SOX5: variants seen among roughly 807,000 people sequenced by gnomAD.
SOX5 encodes the protein transcription factor SOX-5.
In SOX5, 9 loss-of-function variants were observed where a neutral mutation model predicts 92.0. That is an observed-to-expected ratio of 0.10 (90% CI 0.06 to 0.17). SOX5 has a LOEUF of 0.17. SOX5 is among the 10% of genes least tolerant of loss of function. The pLI is 1.00. For missense variants in SOX5, 642 were observed against 944.5 expected (o/e 0.68, Z 4.20); for synonymous variants, 344 against 336.3 (o/e 1.02, Z -0.25).
chr12:23,604,513 T>G lies in SOX5; in HGVS notation c.1038A>C (p.Leu346=). Residue 346 remains leucine (L), a synonymous_variant, in exon 9 of 15, where the codon CTA becomes CTC. Transcript: ENST00000451604. ...LQLQQLYAAQ[L]AAMQVSPGGK... ...CTCCTGGAGATACCTGCATTGCAGCTAGCTGGGCAGCATATAACTGCTACA... is the reference window on the plus strand; with the variant it reads ...CTCCTGGAGATACCTGCATTGCAGCGAGCTGGGCAGCATATAACTGCTACA... The G allele has an allele frequency of 6.2e-7, 1 of 1,613,688 alleles. No individual in the cohort carries two copies. Among genetic ancestry groups the G allele is most frequent in the Admixed American group, 1.7e-5 (1 of 59,960 alleles).
chr12:24,279,474 T>C (rs1944906227), intron 2 of SOX5, among the ~76,000 whole-genome samples: 1 of 152,142 alleles, frequency 6.6e-6, no homozygotes, highest in Admixed American at 6.5e-5. Flanking sequence ...TATGTATTTA[T>C]AGAACAGGAA....
At chr12:23,807,641 C>A (rs1220406278) in intron 3 of SOX5, among the ~76,000 whole-genome samples, 1 of 102,656 alleles carries the variant, frequency 9.7e-6, no homozygotes, top group African/African-American at 3.0e-5. Context: ...ACAGAAATTC[C>A]ATTTTTTTTT....
intron 2 of SOX5, among the ~76,000 whole-genome samples, chr12:24,314,562 T>C (rs1949525137): frequency 6.6e-6 from 1 of 151,298 alleles, no homozygotes; most frequent in Non-Finnish European, 1.5e-5. Flanking sequence ...TGCTTATACA[T>C]AAAAAAAAAT....
intron 4 of SOX5, among the ~76,000 whole-genome samples, chr12:23,981,993 A>G (rs1174798305): frequency 6.6e-6 from 1 of 152,156 alleles, no homozygotes; most frequent in Non-Finnish European, 1.5e-5. Context: ...TGGGTAACCT[A>G]GAAGACAAAG....
At position 23,904,903 on chromosome 12, in the gene SOX5, T is replaced by C. The variant is rs368383591; in HGVS notation, c.39-8879A>G. On this transcript the variant is annotated intron_variant, in intron 1 of 14. Transcript: ENST00000451604. ...TTTTACCAAATAGCTTTTCCCAGCC[T>C]CTTCCGTGCCACCAAAGTCAGAGAT... 3.9e-5 allele frequency among the ~76,000 whole-genome samples: 6 copies of C among 152,288 alleles called. No individual in the cohort carries two copies. The East Asian group carries it at 1.2e-3, about 29-fold the overall frequency.
chr12:23,781,885 A>AC (rs2095287594), intron 3 of SOX5, among the ~76,000 whole-genome samples: 1 of 152,172 alleles, frequency 6.6e-6, no homozygotes, highest in African/African-American at 2.4e-5. Flanking sequence ...GAAGTTATAT[A>AC]GAAACAATGA....
At position 24,524,973 on chromosome 12, in the gene SOX5, CA is replaced by C. The variant is rs1222859875; in HGVS notation, c.-251+37355del. 3.9e-5 allele frequency among the ~76,000 whole-genome samples: 6 copies of C among 151,992 alleles called. 1 individual carries two copies. Among genetic ancestry groups the C allele is most frequent in the Admixed American group, 3.9e-4 (6 of 15,264 alleles). ...AACAGGACCCTGTCTCAAACAAACA[CA>C]AAAAAAGTACAGAGGCTCCTCAAAA... On this transcript the variant is annotated intron_variant, in intron 1 of 4. Coordinates refer to the SOX5 transcript ENST00000446891.
At chr12:24,096,919 AT>A (rs998878249) in intron 4 of SOX5, among the ~76,000 whole-genome samples, 47 of 152,020 alleles carry the variant, frequency 3.1e-4, no homozygotes, top group African/African-American at 1.1e-3. Flanking sequence ...CCATATGGTA[AT>A]TTTTGTGTTT....
intron 6 of SOX5, among the ~76,000 whole-genome samples, chr12:23,678,098 A>G (rs1178224226): frequency 1.3e-5 from 2 of 152,176 alleles, no homozygotes; most frequent in Admixed American, 1.3e-4. Flanking sequence ...GTGTGAAATT[A>G]CCAAAAAGGC....
At chr12:24,558,662 A>G (rs1482679622) in intron 1 of SOX5, among the ~76,000 whole-genome samples, 1 of 152,192 alleles carries the variant, frequency 6.6e-6, no homozygotes, top group African/African-American at 2.4e-5. Flanking sequence ...TTTTCATGCA[A>G]ACGAACTCTT....
At chr12:24,486,112 T>A (rs1342410770) in intron 1 of SOX5, among the ~76,000 whole-genome samples, 1 of 152,040 alleles carries the variant, frequency 6.6e-6, no homozygotes, top group East Asian at 1.9e-4. Context: ...ATTTTTAATT[T>A]TTTTTGTAGA....
At chr12:23,994,619 G>T (rs1233074732) in intron 4 of SOX5, among the ~76,000 whole-genome samples, 1 of 152,074 alleles carries the variant, frequency 6.6e-6, no homozygotes, top group African/African-American at 2.4e-5. Context: ...CATTTTTCCA[G>T]GAGAGAAAAC....
rs1290273524 is a variant in SOX5 at position 23,866,317 on chromosome 12, A to ATGGAATAG, written c.271-20132_271-20125dup. 3.9e-5 allele frequency among the ~76,000 whole-genome samples: 6 copies of ATGGAATAG among 152,192 alleles called. No homozygotes were observed. The East Asian group carries it at 1.2e-3, about 29-fold the overall frequency. ...TTCTAATATATGGATTTTTAAATAT[A>ATGGAATAG]TGGAATAGTCTAGATTGTAACTAAA... is the stretch of plus-strand genomic sequence containing the variant. On this transcript the variant is annotated intron_variant, in intron 2 of 14. Transcript: ENST00000451604.
intron 1 of SOX5, among the ~76,000 whole-genome samples, chr12:24,495,813 G>C (rs968525112): frequency 6.6e-6 from 1 of 152,212 alleles, no homozygotes; most frequent in Admixed American, 6.5e-5. Flanking sequence ...GGATGGGGGA[G>C]GGTGTGGTAC....
intron 9 of SOX5, among the ~76,000 whole-genome samples, chr12:23,583,369 A>C (rs139925573): frequency 6.6e-6 from 1 of 152,246 alleles, no homozygotes; most frequent in African/African-American, 2.4e-5. Context: ...TCACATGAAA[A>C]CCCACTCATA....
At chr12:24,296,394 G>A (rs773397268) in intron 2 of SOX5, among the ~76,000 whole-genome samples, 6 of 152,132 alleles carry the variant, frequency 3.9e-5, no homozygotes, top group Non-Finnish European at 7.4e-5. Flanking sequence ...AAGCCACAGC[G>A]CTCCTTCTGC....
At chr12:24,272,919 GAAA>G (rs71059999) in intron 3 of SOX5, among the ~76,000 whole-genome samples, 5 of 147,328 alleles carry the variant, frequency 3.4e-5, no homozygotes, top group South Asian at 2.2e-4. Flanking sequence ...TCTATCTTTT[GAAA>G]AAAAAAAAAT....
intron 3 of SOX5, among the ~76,000 whole-genome samples, chr12:23,810,895 C>T (rs1328281749): frequency 1.3e-5 from 2 of 152,138 alleles, no homozygotes; most frequent in Non-Finnish European, 2.9e-5. Context: ...TTCACAGCCA[C>T]AGAAGAGCTG....
At position 24,325,364 on chromosome 12, in the gene SOX5, T is replaced by C. The variant is rs563942291; in HGVS notation, c.-174+43199A>G. The stretch of plus-strand genomic sequence containing the variant: ...CAGATTTTAGTGCCTAACACATTTT[T>C]AAACAAATCAATGTTTATCATATCT... On this transcript the variant is annotated intron_variant, in intron 2 of 4. Transcript: ENST00000446891. Among the ~76,000 whole-genome samples the C allele has an allele frequency of 2.6e-5, 4 of 152,322 alleles. No homozygotes were observed. The South Asian group carries it at 8.3e-4, about 32-fold the overall frequency.
Sources: allele counts gnomAD v4.1 joint callset (sites outside exome capture counted in the v4.1 genomes callset), GRCh38; gene constraint gnomAD v4.1.1; transcripts MANE v1.5; gene names NCBI Gene and HGNC (gene_info 2026-07-23, HGNC 2026-07-21).